DCAF17: variants seen among roughly 807,000 people sequenced by gnomAD.
DCAF17 encodes DDB1 and CUL4 associated factor 17.
Under a neutral mutation model 66.0 loss-of-function variants are expected in DCAF17, and 48 were observed. The observed-to-expected ratio is 0.73, with a 90% CI of 0.58 to 0.92. The LOEUF (loss-of-function observed/expected upper bound fraction) is 0.92. DCAF17 is among the 40% of genes least tolerant of loss of function. DCAF17 has a pLI of 0.00. For synonymous variants in DCAF17, 206 were observed against 214.6 expected, an observed-to-expected ratio of 0.96 and a Z score of 0.35; for missense variants, 562 against 622.8, an observed-to-expected ratio of 0.90 and a Z score of 1.04.
chr2:171,468,782 A>G, intron 8 of DCAF17, 106 bp from the exon 9 acceptor site: 2 of 1,411,724 alleles, frequency 1.4e-6, no homozygotes, highest in Non-Finnish European at 2.0e-6. Context: ...TTTCATTAAT[A>G]GAAATTTATA....
chr2:171,439,284 A>G (rs10460358), intron 2 of DCAF17, among the ~76,000 whole-genome samples: 50,512 of 151,480 alleles, frequency 0.33, 9,614 homozygotes, highest in East Asian at 0.63. Flanking sequence ...TGGTATTCCC[A>G]TTATGTGGAT....
At chr2:171,448,562 T>G (rs1323918444) in intron 3 of DCAF17, 119 bp from the exon 4 acceptor site, 6 of 898,018 alleles carry the variant, frequency 6.7e-6, no homozygotes, top group East Asian at 5.4e-5. Flanking sequence ...CATTTAATCT[T>G]TCTTTTGTGG....
In DCAF17 at chr2:171,434,496, A is replaced by G. The variant is rs949345190; in HGVS notation, c.-82A>G. On this transcript the variant is annotated 5_prime_UTR_variant, in exon 1 of 14. Transcript: ENST00000375255. ...GGAAAGTCTGGGCCTCGAAATTCGAAGGCAGCGGCGGCTGCCCAGCACGGG... is the reference window on the plus strand; with the variant it reads ...GGAAAGTCTGGGCCTCGAAATTCGAGGGCAGCGGCGGCTGCCCAGCACGGG... 4 of 1,521,064 alleles carry G rather than the reference A, an allele frequency of 2.6e-6. No homozygotes were observed. In the African/African-American group the frequency reaches 5.5e-5, roughly 21 times the overall value. The allele number at this position is 1,521,064 out of a possible 1,614,324, so 94.2% of individuals were successfully genotyped here.
chr2:171,481,020 T>C lies in DCAF17; in HGVS notation c.1469T>C (p.Ile490Thr), dbSNP rs1696719528. Residue 490 changes from isoleucine to threonine, a missense_variant, in exon 14 of 14, where the codon ATA (isoleucine) becomes ACA (threonine). Physicochemically the swap from Ile to Thr is moderately conservative, Grantham distance 89. Coordinates refer to ENST00000375255, the MANE Select transcript of DCAF17 (RefSeq NM_025000.4). Reference protein sequence around the residue: ...VYFDRDLVLHIEQKPNRVFSC... With the variant: ...VYFDRDLVLHTEQKPNRVFSC... ...TTTGACAGAGACTTGGTGCTACACA[T>C]AGAGCAGAAACCCAACAGAGTCTTC... is the stretch of plus-strand genomic sequence containing the variant. 6.2e-7 allele frequency: 1 copy of C among 1,613,770 alleles called. No individual in the cohort carries two copies.
intron 13 of DCAF17, 67 bp downstream of exon 13, chr2:171,480,260 A>AATAACATC: frequency 6.4e-7 from 1 of 1,574,722 alleles, no homozygotes; most frequent in African/African-American, 1.3e-5. Context: ...ATTAGAACAG[A>AATAACATC]TGTTATTGTG....
Position 171,434,644 on chromosome 2 carries a change from C to T in DCAF17, c.67C>T (p.Arg23Cys). The T allele has an allele frequency of 5.2e-6, 8 of 1,535,160 alleles. No individual in the cohort carries two copies. The highest frequency in any genetic ancestry group is 7.0e-6 in the Non-Finnish European group (8 of 1,148,914). ...TCGCCGGGCGCTGGGCTGCTTCTCG[C>T]GCGACGCAGGCGTGGTGCAGAGGAC... Reference protein sequence around the residue: ...LSRRALGCFSRDAGVVQRTNL... With the variant: ...LSRRALGCFSCDAGVVQRTNL... The change falls in exon 1 of 14, where the codon CGC becomes TGC. Residue 23 changes from arginine to cysteine, a missense_variant. By Grantham distance (180) the Arg-to-Cys change is radical. This residue lies in a region of DCAF17 where 348 missense variants were observed against 355.9 expected (regional missense o/e 0.98). Coordinates refer to ENST00000375255, the MANE Select transcript of DCAF17 (RefSeq NM_025000.4).
At chr2:171,457,188 A>C (rs1451411259) in intron 6 of DCAF17, among the ~76,000 whole-genome samples, 1 of 152,172 alleles carries the variant, frequency 6.6e-6, no homozygotes, top group Admixed American at 6.5e-5. Context: ...AAAAAATACA[A>C]CTCATAATTT....
intron 8 of DCAF17, among the ~76,000 whole-genome samples, chr2:171,462,616 C>A (rs1695648992): frequency 6.6e-6 from 1 of 152,038 alleles, no homozygotes; most frequent in Non-Finnish European, 1.5e-5. Context: ...CCCTTTATGG[C>A]CCCCAACAAT....
rs1005084715 is a variant in DCAF17, at chr2:171,483,805, C to T, written c.*2691C>T. The T allele has an allele frequency of 2.2e-6, 1 of 453,920 alleles. No homozygotes were observed. Among genetic ancestry groups the T allele is most frequent in the Admixed American group, 2.4e-5 (1 of 42,546 alleles). 28.1% of individuals were successfully genotyped at this position (453,920 alleles called of 1,614,324 possible). ...CTTTGTACAAATGAGGAAAGTGAGG[C>T]TCACAGAAGTTAATTGGCCCAGGGT... On this transcript the variant is annotated 3_prime_UTR_variant, in exon 14 of 14. Coordinates refer to ENST00000375255, the MANE Select transcript of DCAF17 (RefSeq NM_025000.4).
At position 171,458,026 on chromosome 2, in the gene DCAF17, A is replaced by C; in HGVS notation, c.683A>C (p.Tyr228Ser). 1 of 1,614,108 alleles carries C rather than the reference A, an allele frequency of 6.2e-7. No homozygotes were observed. The highest frequency in any genetic ancestry group is 8.5e-7 in the Non-Finnish European group (1 of 1,179,992). ...TLSHGILIVM[Y>S]SSGLVRLYSF... ...TCTCATGGAATACTGATTGTGATGT[A>C]CAGCTCAGGACTGGTCAGACTCTAT... Residue 228 changes from tyrosine to serine, a missense_variant, in exon 7 of 14, where the codon TAC becomes TCC. Physicochemically the swap from Tyr to Ser is moderately radical, Grantham distance 144. Coordinates refer to ENST00000375255, the MANE Select transcript of DCAF17 (RefSeq NM_025000.4).
intron 6 of DCAF17, among the ~76,000 whole-genome samples, chr2:171,456,742 A>G (rs531982758): frequency 1.7e-4 from 26 of 152,298 alleles, no homozygotes; most frequent in African/African-American, 6.3e-4. Context: ...TTTTAGGACA[A>G]CTGTGAATGA....
At position 171,484,567 on chromosome 2, in the gene DCAF17, A is replaced by G. The variant is rs747674263; in HGVS notation, c.*3453A>G. 21 of 452,272 alleles carry G rather than the reference A, an allele frequency of 4.6e-5. 1 individual carries two copies. Among genetic ancestry groups the G allele is most frequent in the South Asian group, 3.0e-4 (19 of 63,634 alleles). The allele number at this position is 452,272 out of a possible 1,614,324, so 28.0% of individuals were successfully genotyped here. On this transcript the variant is annotated 3_prime_UTR_variant, in exon 14 of 14. Coordinates refer to ENST00000375255, the MANE Select transcript of DCAF17 (RefSeq NM_025000.4). ...TGCAGATTATTAACTAGAGTTTAGT[A>G]TTTATTTAGTTTTTAAATTTTTTTG...
At chr2:171,470,110 A>T (rs1032097851) in intron 9 of DCAF17, among the ~76,000 whole-genome samples, 1 of 152,128 alleles carries the variant, frequency 6.6e-6, no homozygotes. Flanking sequence ...TGCAGCCTCA[A>T]CCTCCTGGGC....
At chr2:171,476,668 T>A (rs1359343272) in intron 10 of DCAF17, among the ~76,000 whole-genome samples, 192 bp from the exon 11 acceptor site, 1 of 152,204 alleles carries the variant, frequency 6.6e-6, no homozygotes, top group Non-Finnish European at 1.5e-5. Context: ...TTTTTCTGTT[T>A]AACAGAATCT....
At chr2:171,478,579 C>T (rs1696606086) in intron 12 of DCAF17, among the ~76,000 whole-genome samples, 1 of 152,120 alleles carries the variant, frequency 6.6e-6, no homozygotes, top group Non-Finnish European at 1.5e-5. Flanking sequence ...TTATCCCCTT[C>T]CTTTAAAAAG....
rs1254040486 is a variant in DCAF17, at chr2:171,483,850, G to T, written c.*2736G>T. 2.2e-6 allele frequency: 1 copy of T among 454,094 alleles called. No homozygotes were observed. The highest frequency in any genetic ancestry group is 2.0e-5 in the African/African-American group (1 of 50,114). The allele number at this position is 454,094 out of a possible 1,614,324, so 28.1% of individuals were successfully genotyped here. A position where few individuals can be genotyped will look rare whatever the true frequency, so the allele number is the denominator to read the frequency against. On this transcript the variant is annotated 3_prime_UTR_variant, in exon 14 of 14. Coordinates refer to ENST00000375255, the MANE Select transcript of DCAF17 (RefSeq NM_025000.4). ...CAGGGTCCCACAACTAGTCAGTGCA[G>T]AGGTGGGAAACATAACCAGATTTGT...
chr2:171,441,829 A>T (rs950089056), intron 2 of DCAF17, among the ~76,000 whole-genome samples: 3 of 152,214 alleles, frequency 2.0e-5, no homozygotes, highest in African/African-American at 7.2e-5. Flanking sequence ...CAGAGACTTT[A>T]AATAGTTGTC....
intron 6 of DCAF17, among the ~76,000 whole-genome samples, chr2:171,456,575 T>C (rs1415141346): frequency 6.6e-6 from 1 of 152,230 alleles, no homozygotes; most frequent in Non-Finnish European, 1.5e-5. Context: ...GCATTAAATA[T>C]ATAAATTGCT....
At chr2:171,467,633 G>A (rs982325224) in intron 8 of DCAF17, among the ~76,000 whole-genome samples, 1 of 151,370 alleles carries the variant, frequency 6.6e-6, no homozygotes, top group African/African-American at 2.4e-5. Context: ...AGGAGGCTGA[G>A]GCATGAGAAT....
Sources: gnomAD v4.1 joint callset for allele counts (sites outside exome capture counted in the v4.1 genomes callset) on GRCh38, gnomAD v4.1.1 for gene constraint, gnomAD v4.1.1 regional missense constraint, MANE v1.5 for transcripts, NCBI Gene and HGNC (gene_info 2026-07-23, HGNC 2026-07-21) for gene names.